The following FREM3 variants were observed in gnomAD, a reference collection of about 807,000 sequenced individuals.
The protein encoded by FREM3 is FRAS1-related extracellular matrix protein 3.
A neutral mutation model predicts 129.1 loss-of-function variants in FREM3; 105 were observed. The ratio of observed to expected loss-of-function variants is 0.81; its 90% confidence interval spans 0.69 to 0.96. The LOEUF is 0.96. Ranked by LOEUF, FREM3 falls within the 40% of genes least tolerant of loss-of-function variation. The pLI is 0.00. For synonymous variants in FREM3, 1,014 were observed against 1,044.9 expected, an observed-to-expected ratio of 0.97 and a Z score of 0.57; for missense variants, 2,593 against 2,666.3, an observed-to-expected ratio of 0.97 and a Z score of 0.61.
chr4:143,579,764 T>C (rs965100443), intron 7 of FREM3, among the ~76,000 whole-genome samples: 1 of 152,188 alleles, frequency 6.6e-6, no homozygotes, highest in Non-Finnish European at 1.5e-5. Context: ...ACCTTATACA[T>C]ATATACATAA....
At position 143,594,070 on chromosome 4, in the gene FREM3, G is replaced by A. The variant is rs370030585; in HGVS notation, c.6029-8077C>T. ...TCCTGGTGTGCCGTTTGAGAAGCCCGTTGGAAAAGTGCAGTAGTAGGGTGG... is the reference window on the plus strand; with the variant it reads ...TCCTGGTGTGCCGTTTGAGAAGCCCATTGGAAAAGTGCAGTAGTAGGGTGG... On this transcript the variant is annotated intron_variant, in intron 6 of 7. Transcript: ENST00000329798. Among the ~76,000 whole-genome samples the A allele has an allele frequency of 3.7e-4, 57 of 152,170 alleles. 1 individual carries two copies. Among genetic ancestry groups the A allele is most frequent in the Non-Finnish European group, 3.2e-4 (22 of 68,032 alleles).
Position 143,651,625 on chromosome 4 carries a change from G to A in FREM3, c.5276-23865C>T, listed in dbSNP as rs192994519. Among the ~76,000 whole-genome samples the A allele has an allele frequency of 2.0e-5, 3 of 152,330 alleles. No homozygotes were observed. In the East Asian group the frequency reaches 5.8e-4, roughly 29 times the overall value. ...GTGCTGATTAGTAAAGTGGTCAACT[G>A]AAATGCTATAAGTCGGTTTCTTTTA... On this transcript the variant is annotated intron_variant, in intron 2 of 7. Transcript: ENST00000329798.
intron 2 of FREM3, among the ~76,000 whole-genome samples, chr4:143,659,582 T>G (rs1739666690): frequency 6.9e-6 from 1 of 144,384 alleles, no homozygotes; most frequent in Non-Finnish European, 1.5e-5. Flanking sequence ...TTTATATTCC[T>G]TTGGGTATAT....
Position 143,700,269 on chromosome 4 carries a change from C to T in FREM3, c.407G>A (p.Arg136His). 8 of 1,536,376 alleles carry T rather than the reference C, an allele frequency of 5.2e-6. No individual in the cohort carries two copies. Among genetic ancestry groups the T allele is most frequent in the Non-Finnish European group, 7.0e-6 (8 of 1,146,738 alleles). Residue 136 changes from arginine (R) to histidine (H), a missense_variant, in exon 1 of 8, where the codon CGC becomes CAC. By Grantham distance (29) the Arg-to-His change is conservative (BLOSUM62 0). This residue lies in a region of FREM3 where 2,276 missense variants were observed against 2,267.2 expected (regional missense o/e 1.00). Coordinates refer to ENST00000329798, the MANE Select transcript of FREM3 (RefSeq NM_001168235.2). ...GCGCAGCTGCAGCAGCACCCGGGCG[C>T]GTCCGGGGCTGTGGGAGCCGAAGTG... ...YTHFGSHSPG[R>H]ARVLLQLRYD... is the part of the protein sequence containing the mutation.
At chr4:143,659,609 G>T (rs1353638681) in intron 2 of FREM3, among the ~76,000 whole-genome samples, 1 of 139,934 alleles carries the variant, frequency 7.1e-6, no homozygotes. Flanking sequence ...TAATGGGATG[G>T]CTGGGTCAAA....
intron 2 of FREM3, among the ~76,000 whole-genome samples, chr4:143,677,126 T>C (rs1419503858): frequency 6.6e-6 from 1 of 152,182 alleles, no homozygotes; most frequent in Non-Finnish European, 1.5e-5. Context: ...GGCATCACGC[T>C]ACCTGACTTC....
intron 6 of FREM3, among the ~76,000 whole-genome samples, chr4:143,590,567 C>T (rs1738340033): frequency 6.6e-6 from 1 of 152,284 alleles, no homozygotes; most frequent in East Asian, 1.9e-4. Context: ...TTGAACCAGC[C>T]TTGCATCCCA....
intron 6 of FREM3, among the ~76,000 whole-genome samples, chr4:143,595,597 A>G (rs966415117): frequency 3.3e-5 from 5 of 152,144 alleles, no homozygotes; most frequent in Non-Finnish European, 7.4e-5. Context: ...TGCTATAGCA[A>G]AAGAAGGGAG....
chr4:143,622,861 C>T (rs1314971510), intron 4 of FREM3, among the ~76,000 whole-genome samples: 1 of 152,160 alleles, frequency 6.6e-6, no homozygotes, highest in Non-Finnish European at 1.5e-5. Context: ...GCCTTCATTA[C>T]TTGGGACCAT....
At chr4:143,581,293 C>A (rs1476976835) in intron 7 of FREM3, among the ~76,000 whole-genome samples, 1 of 152,154 alleles carries the variant, frequency 6.6e-6, no homozygotes, top group Non-Finnish European at 1.5e-5. Context: ...AGAGACAATG[C>A]AAAACCTCTC....
At position 143,597,135 on chromosome 4, in the gene FREM3, G is replaced by T. The variant is rs565768036; in HGVS notation, c.6029-11142C>A. On this transcript the variant is annotated intron_variant, in intron 6 of 7. Transcript: ENST00000329798. Reference sequence around the variant, plus strand: ...AAAAGAGACCAAAAACAAACAGACAGAAAAATAAGCAAACAAGCAAAAACA... The same window carrying T: ...AAAAGAGACCAAAAACAAACAGACATAAAAATAAGCAAACAAGCAAAAACA... 4.3e-4 allele frequency among the ~76,000 whole-genome samples: 66 copies of T among 152,006 alleles called. No individual in the cohort carries two copies. The South Asian group carries it at 0.012, about 29-fold the overall frequency.
chr4:143,678,919 G>T (rs1277237713), intron 2 of FREM3, among the ~76,000 whole-genome samples: 1 of 152,066 alleles, frequency 6.6e-6, no homozygotes, highest in Admixed American at 6.5e-5. Context: ...GTAAGGTTTA[G>T]ATGCAAGCAT....
chr4:143,593,368 A>G (rs375061183), intron 6 of FREM3, among the ~76,000 whole-genome samples: 1 of 152,072 alleles, frequency 6.6e-6, no homozygotes, highest in East Asian at 1.9e-4. Context: ...TTGTGGTTTT[A>G]TCTACCTTTG....
rs751195563 is a variant in FREM3, at chr4:143,700,555, C to G, written c.121G>C (p.Asp41His). 237 of 1,516,704 alleles carry G rather than the reference C, an allele frequency of 1.6e-4. No individual in the cohort carries two copies. The highest frequency in any genetic ancestry group is 2.0e-4 in the Non-Finnish European group (226 of 1,135,570). The allele number at this position is 1,516,704 out of a possible 1,614,324, so 94.0% of individuals were successfully genotyped here. A position where few individuals can be genotyped will look rare whatever the true frequency, so the allele number is the denominator to read the frequency against. ...GRASSLGTEP[D>H]PALYLPARGA... ...CGGGCGGGCAGGTAAAGCGCCGGGT[C>G]GGGCTCGGTCCCAAGTGAGGATGCC... The change falls in exon 1 of 8, where the codon GAC becomes CAC. Residue 41 changes from aspartate to histidine, a missense_variant. Transcript: ENST00000329798.
chr4:143,626,514 C>G (rs1371711252), intron 3 of FREM3, among the ~76,000 whole-genome samples: 1 of 152,122 alleles, frequency 6.6e-6, no homozygotes. Context: ...AAATATCCTT[C>G]TTGACATTTT....
At chr4:143,612,578 C>T (rs189321126) in intron 5 of FREM3, among the ~76,000 whole-genome samples, 27 of 152,198 alleles carry the variant, frequency 1.8e-4, no homozygotes, top group South Asian at 1.2e-3. Context: ...AAAGCAATTG[C>T]GGTTTTCCCA....
At chr4:143,636,223 A>G (rs1739231387) in intron 2 of FREM3, among the ~76,000 whole-genome samples, 2 of 151,580 alleles carry the variant, frequency 1.3e-5, no homozygotes, top group South Asian at 4.2e-4. Flanking sequence ...AGAAAAAAAA[A>G]GAAAGGAAAA....
chr4:143,595,710 A>T (rs1340938992), intron 6 of FREM3, among the ~76,000 whole-genome samples: 1 of 151,946 alleles, frequency 6.6e-6, no homozygotes, highest in Non-Finnish European at 1.5e-5. Flanking sequence ...ACACGGTGAA[A>T]CCCCGTCTCT....
chr4:143,661,956 T>A (rs1739734517), intron 2 of FREM3, among the ~76,000 whole-genome samples: 1 of 152,136 alleles, frequency 6.6e-6, no homozygotes, highest in Non-Finnish European at 1.5e-5. Context: ...CATTTTTTAT[T>A]GCATCTATTT....
Sources: allele counts gnomAD v4.1 joint callset (sites outside exome capture counted in the v4.1 genomes callset), GRCh38; gene constraint gnomAD v4.1.1; regional missense constraint gnomAD v4.1.1; transcripts MANE v1.5; gene names NCBI Gene and HGNC (gene_info 2026-07-23, HGNC 2026-07-21).